PIP4K2A: variants seen among roughly 807,000 people sequenced by gnomAD.
PIP4K2A encodes the protein phosphatidylinositol-5-phosphate 4-kinase type 2 alpha.
Under a neutral mutation model 42.9 loss-of-function variants are expected in PIP4K2A, and 14 were observed. The ratio of observed to expected loss-of-function variants is 0.33; its 90% CI spans 0.22 to 0.51. The LOEUF (loss-of-function observed/expected upper bound fraction) is 0.51, where lower values mean the gene tolerates loss of function less well. PIP4K2A is among the 20% of genes least tolerant of loss of function. PIP4K2A has a pLI of 0.97. For synonymous variants in PIP4K2A, 192 were observed against 192.2 expected (o/e 1.00, Z 0.01); for missense variants, 434 against 519.8 (o/e 0.83, Z 1.61).
At chr10:22,705,752 G>C (rs531196211) in intron 1 of PIP4K2A, among the ~76,000 whole-genome samples, 1 of 151,986 alleles carries the variant, frequency 6.6e-6, no homozygotes, top group Non-Finnish European at 1.5e-5. Context: ...CACACCCAAA[G>C]CCAACTACTC....
At chr10:22,615,161 C>G (rs1838145873) in intron 1 of PIP4K2A, among the ~76,000 whole-genome samples, 1 of 152,066 alleles carries the variant, frequency 6.6e-6, no homozygotes, top group South Asian at 2.1e-4. Flanking sequence ...GGCTGGAGTG[C>G]AGGGGCATGA....
chr10:22,659,357 G>A (rs555856356), intron 1 of PIP4K2A, among the ~76,000 whole-genome samples: 15 of 152,318 alleles, frequency 9.8e-5, no homozygotes, highest in African/African-American at 3.4e-4. Context: ...CACTTTGGGA[G>A]GCCAAGGTGG....
At chr10:22,611,176 C>G (rs541296754) in intron 1 of PIP4K2A, among the ~76,000 whole-genome samples, 1 of 152,176 alleles carries the variant, frequency 6.6e-6, no homozygotes, top group African/African-American at 2.4e-5. Flanking sequence ...ACTGCTTGAG[C>G]CCAGGACTTT....
chr10:22,699,720 G>A (rs979380855), intron 1 of PIP4K2A, among the ~76,000 whole-genome samples: 5 of 152,052 alleles, frequency 3.3e-5, no homozygotes, highest in Non-Finnish European at 5.9e-5. Context: ...CTTGCAGCCT[G>A]GGCATATAGT....
At chr10:22,706,301 C>T (rs545085047) in intron 1 of PIP4K2A, among the ~76,000 whole-genome samples, 9 of 152,260 alleles carry the variant, frequency 5.9e-5, no homozygotes, top group Admixed American at 5.2e-4. Flanking sequence ...AATCATGATC[C>T]AGTCCTGGTT....
At chr10:22,640,413 G>C (rs1347296709) in intron 1 of PIP4K2A, among the ~76,000 whole-genome samples, 1 of 152,162 alleles carries the variant, frequency 6.6e-6, no homozygotes, top group African/African-American at 2.4e-5. Flanking sequence ...CATCCCACAG[G>C]AGCCTCAGCT....
chr10:22,650,640 T>C (rs754856951), intron 1 of PIP4K2A, among the ~76,000 whole-genome samples: 4 of 152,226 alleles, frequency 2.6e-5, no homozygotes, highest in African/African-American at 4.8e-5. Flanking sequence ...ACTCGCGGTA[T>C]AGCAAGAAAG....
At chr10:22,663,073 G>A (rs960056431) in intron 1 of PIP4K2A, among the ~76,000 whole-genome samples, 4 of 152,216 alleles carry the variant, frequency 2.6e-5, no homozygotes, top group Admixed American at 2.0e-4. Flanking sequence ...GTGACCTCTG[G>A]TACATCAGTC....
chr10:22,705,162 CAG>C (rs2130922576), intron 1 of PIP4K2A, among the ~76,000 whole-genome samples: 1 of 152,046 alleles, frequency 6.6e-6, no homozygotes, highest in African/African-American at 2.4e-5. Context: ...GAAATGACTT[CAG>C]AGAGTGGAGA....
At position 22,630,160 on chromosome 10, in the gene PIP4K2A, C is replaced by A. The variant is rs575851680; in HGVS notation, c.145-20443G>T. On this transcript the variant is annotated intron_variant, in intron 1 of 9. Transcript: ENST00000376573. ...TAACACCAGCCTGTGAAACACAGGGCGACTTCATGACTACAAAAAAAAAAA... is the reference window on the plus strand; with the variant it reads ...TAACACCAGCCTGTGAAACACAGGGAGACTTCATGACTACAAAAAAAAAAA... Among the ~76,000 whole-genome samples, 1,345 of 146,568 alleles carry A rather than the reference C, an allele frequency of 9.2e-3. 28 individuals carry two copies. The highest frequency in any genetic ancestry group is 0.033 in the African/African-American group (1,291 of 39,012).
At chr10:22,704,239 A>G (rs771580563) in intron 1 of PIP4K2A, among the ~76,000 whole-genome samples, 7 of 152,192 alleles carry the variant, frequency 4.6e-5, no homozygotes, top group African/African-American at 7.2e-5. Context: ...CAGACTGAGC[A>G]AAAGAGGAGC....
chr10:22,584,599 A>G (rs1463431083), intron 4 of PIP4K2A, among the ~76,000 whole-genome samples: 2 of 152,164 alleles, frequency 1.3e-5, no homozygotes, highest in African/African-American at 4.8e-5. Flanking sequence ...GCAGCTCCCC[A>G]TGAAACTAGG....
chr10:22,570,294 A>G (rs1330861734), intron 5 of PIP4K2A, among the ~76,000 whole-genome samples: 1 of 152,254 alleles, frequency 6.6e-6, no homozygotes, highest in East Asian at 1.9e-4. Flanking sequence ...GGAGGGTCAT[A>G]GAGGTTCAGC....
chr10:22,569,143 C>T (rs1216316779), intron 5 of PIP4K2A: 36 of 971,654 alleles, frequency 3.7e-5, no homozygotes, highest in Non-Finnish European at 5.2e-5. Flanking sequence ...TTCACAGATG[C>T]GGAAACTTGA....
At chr10:22,648,260 A>G (rs1838925142) in intron 1 of PIP4K2A, among the ~76,000 whole-genome samples, 1 of 152,270 alleles carries the variant, frequency 6.6e-6, no homozygotes, top group Non-Finnish European at 1.5e-5. Context: ...ATATGTACAG[A>G]AAATATTCAG....
chr10:22,678,577 C>T (rs1839605024), intron 1 of PIP4K2A, among the ~76,000 whole-genome samples: 1 of 152,150 alleles, frequency 6.6e-6, no homozygotes, highest in African/African-American at 2.4e-5. Flanking sequence ...GGCAACCCAG[C>T]TTTATGAAAT....
At chr10:22,621,593 T>C (rs756567947) in intron 1 of PIP4K2A, among the ~76,000 whole-genome samples, 2 of 152,190 alleles carry the variant, frequency 1.3e-5, no homozygotes, top group East Asian at 1.9e-4. Context: ...TGGCTAGCCA[T>C]GGAGAAGATG....
At chr10:22,623,152 G>A (rs190607753) in intron 1 of PIP4K2A, among the ~76,000 whole-genome samples, 21 of 151,988 alleles carry the variant, frequency 1.4e-4, no homozygotes, top group African/African-American at 5.1e-4. Flanking sequence ...CGTTTAATGT[G>A]CTACCATTGA....
intron 1 of PIP4K2A, among the ~76,000 whole-genome samples, chr10:22,619,471 C>A (rs1045686237): frequency 6.1e-5 from 9 of 146,838 alleles, no homozygotes; most frequent in African/African-American, 2.3e-4. Context: ...AAGCCTCGCT[C>A]TGTTGCCCAG....
Sources: allele counts gnomAD v4.1 joint callset (sites outside exome capture counted in the v4.1 genomes callset), GRCh38; gene constraint gnomAD v4.1.1; transcripts MANE v1.5; gene names NCBI Gene and HGNC (gene_info 2026-07-23, HGNC 2026-07-21).